Variants in ABCB5 observed in about 807,000 individuals in gnomAD.
ABCB5 encodes ATP-binding cassette sub-family B member 5.
Under a neutral mutation model 144.2 loss-of-function variants are expected in ABCB5, and 155 were observed. That is an observed-to-expected ratio of 1.08 (90% CI 0.94 to 1.23). The LOEUF is 1.23. Ranked by LOEUF, ABCB5 falls within the 50% of genes most tolerant of loss-of-function variation. The pLI, the probability that ABCB5 is intolerant of heterozygous loss-of-function variation, is 0.00. For missense variants in ABCB5, 1,830 were observed against 1,520.8 expected (o/e 1.20, Z -3.38); for synonymous variants, 610 against 528.6 (o/e 1.15, Z -2.11).
At chr7:20,686,661 C>T (rs1254501488) in intron 16 of ABCB5, among the ~76,000 whole-genome samples, 1 of 152,136 alleles carries the variant, frequency 6.6e-6, no homozygotes, top group Non-Finnish European at 1.5e-5. Context: ...ACCTCACATG[C>T]CTTGAAATCC....
At chr7:20,735,355 T>A (rs1782350145) in intron 23 of ABCB5, among the ~76,000 whole-genome samples, 1 of 152,102 alleles carries the variant, frequency 6.6e-6, no homozygotes, top group Non-Finnish European at 1.5e-5. Flanking sequence ...TAACAGTGGG[T>A]CGATACCTTA....
At chr7:20,643,396 T>C (rs779426149) in intron 6 of ABCB5, 21 bp downstream of exon 6, 15 of 1,613,426 alleles carry the variant, frequency 9.3e-6, no homozygotes, top group South Asian at 1.1e-5. Flanking sequence ...GATATTGTAG[T>C]ACGTTAGCTT....
At position 20,647,649 on chromosome 7, in the gene ABCB5, G is replaced by A. The variant is rs1354972102; in HGVS notation, c.1095+1G>A. 1.9e-6 allele frequency: 3 copies of A among 1,560,404 alleles called. No homozygotes were observed. Among genetic ancestry groups the A allele is most frequent in the South Asian group, 1.2e-5 (1 of 84,126 alleles). ...TCATATTTTCCAGGTTATTGATAAGGTAAGACCTCTTATTGCTTTGAAGAA... is the reference window on the plus strand; with the variant it reads ...TCATATTTTCCAGGTTATTGATAAGATAAGACCTCTTATTGCTTTGAAGAA... On this transcript the variant is annotated splice_donor_variant, in intron 10 of 27. Transcript: ENST00000404938. LOFTEE classifies it high-confidence loss of function.
chr7:20,681,034 C>T (rs200598633), intron 14 of ABCB5, among the ~76,000 whole-genome samples: 5 of 23,122 alleles, frequency 2.2e-4, no homozygotes, highest in Admixed American at 1.0e-3. Flanking sequence ...TTCTTTCTTT[C>T]TCTTTCTTTC....
At chr7:20,688,079 G>T (rs1786061268) in intron 16 of ABCB5, among the ~76,000 whole-genome samples, 1 of 152,116 alleles carries the variant, frequency 6.6e-6, no homozygotes, top group Admixed American at 6.6e-5. Flanking sequence ...TGTAATCCTA[G>T]CTACTCGGGA....
chr7:20,736,886 G>C (rs1019407737), intron 23 of ABCB5, among the ~76,000 whole-genome samples: 2 of 152,144 alleles, frequency 1.3e-5, no homozygotes, highest in Admixed American at 1.3e-4. Flanking sequence ...GAGAAAAAGC[G>C]TAAAGAAGAT....
At chr7:20,686,622 C>T (rs77606090) in intron 16 of ABCB5, among the ~76,000 whole-genome samples, 11,629 of 152,154 alleles carry the variant, frequency 0.076, 529 homozygotes, top group African/African-American at 0.13. Flanking sequence ...CAAACCCAGT[C>T]GACCTTTGCT....
intron 14 of ABCB5, among the ~76,000 whole-genome samples, chr7:20,676,948 T>C (rs985360457): frequency 1.3e-5 from 2 of 152,196 alleles, no homozygotes; most frequent in African/African-American, 4.8e-5. Flanking sequence ...AATTATTGAA[T>C]ACTAGATTTG....
In ABCB5 at chr7:20,660,196, A is replaced by G. The variant is rs374820063; in HGVS notation, c.1707+1520A>G. 56 of 984,150 alleles carry G rather than the reference A, an allele frequency of 5.7e-5. No homozygotes were observed. The East Asian group carries it at 4.7e-3, about 83-fold the overall frequency. 61.0% of individuals were successfully genotyped at this position (984,150 alleles called of 1,614,324 possible). On this transcript the variant is annotated intron_variant, in intron 14 of 27. Transcript: ENST00000404938. ...ATGAAACATCTATCAAAAGTGAAAA[A>G]AGAAGAATGCAGAATGTTTGTAAAC... is the stretch of plus-strand genomic sequence containing the variant.
At position 20,745,432 on chromosome 7, in the gene ABCB5, C is replaced by G. The variant is rs763544680; in HGVS notation, c.3423C>G (p.Leu1141=). The change falls in exon 26 of 28, where the codon CTC becomes CTG. Residue 1141 remains leucine, a synonymous_variant. Coordinates refer to ENST00000404938, the MANE Select transcript of ABCB5 (RefSeq NM_001163941.2). ...AANIHSFIEG[L]PEKYNTQVGL... is the part of the protein sequence containing the mutation. ...ATATCCATTCTTTTATTGAAGGTCT[C>G]CCTGAGGTAAGAAAATTTCTGAAAT... 6.2e-7 allele frequency: 1 copy of G among 1,613,846 alleles called. No homozygotes were observed. The highest frequency in any genetic ancestry group is 1.7e-5 in the Admixed American group (1 of 59,974).
At chr7:20,700,597 T>C (rs1786587483) in intron 19 of ABCB5, among the ~76,000 whole-genome samples, 1 of 152,108 alleles carries the variant, frequency 6.6e-6, no homozygotes. Flanking sequence ...ATCAGAAGAG[T>C]CCTGAACTCA....
intron 16 of ABCB5, among the ~76,000 whole-genome samples, chr7:20,687,871 C>T (rs1298872191): frequency 6.6e-6 from 1 of 151,636 alleles, no homozygotes; most frequent in Non-Finnish European, 1.5e-5. Context: ...ACTGACAGAG[C>T]AAGAACCCAT....
chr7:20,702,911 C>T (rs1473050931), intron 19 of ABCB5, among the ~76,000 whole-genome samples: 1 of 149,324 alleles, frequency 6.7e-6, no homozygotes. Flanking sequence ...CTCCTGACCT[C>T]GTGATCCACC....
chr7:20,713,942 C>G (rs967304898), intron 20 of ABCB5, among the ~76,000 whole-genome samples: 1 of 130,082 alleles, frequency 7.7e-6, no homozygotes, highest in Admixed American at 7.4e-5. Flanking sequence ...TCCTGAGATT[C>G]TCAGCTTTGT....
At chr7:20,731,362 A>AG (rs1312447594) in intron 23 of ABCB5, among the ~76,000 whole-genome samples, 4 of 86,128 alleles carry the variant, frequency 4.6e-5, no homozygotes, top group African/African-American at 1.9e-4. Flanking sequence ...CAGGAAAAAA[A>AG]AAAAAAAATA....
At chr7:20,701,894 C>A (rs886471895) in intron 19 of ABCB5, among the ~76,000 whole-genome samples, 6 of 152,200 alleles carry the variant, frequency 3.9e-5, no homozygotes. Context: ...TTAGCCCTTT[C>A]TTTGTAAGCA....
intron 25 of ABCB5, among the ~76,000 whole-genome samples, chr7:20,744,850 G>A (rs1038179505): frequency 6.6e-6 from 1 of 151,986 alleles, no homozygotes; most frequent in African/African-American, 2.4e-5. Flanking sequence ...GGTACTGGAA[G>A]AGTCCCCCTC....
rs75569422 is a variant in ABCB5, at chr7:20,646,512, G to C, written c.981+374G>C. On this transcript the variant is annotated intron_variant, in intron 9 of 27. Transcript: ENST00000404938. Reference sequence around the variant, plus strand: ...GAGTTCTGCATTCACCTTGCTAAATGTCTTCTCTCTGGAAATGGTCTGTAG... The same window carrying C: ...GAGTTCTGCATTCACCTTGCTAAATCTCTTCTCTCTGGAAATGGTCTGTAG... Among the ~76,000 whole-genome samples, 242 of 152,266 alleles carry C rather than the reference G, an allele frequency of 1.6e-3. 6 individuals carry two copies. The East Asian group carries it at 0.036, about 23-fold the overall frequency.
intron 15 of ABCB5, among the ~76,000 whole-genome samples, chr7:20,683,129 G>A (rs1785881478): frequency 6.6e-6 from 1 of 152,040 alleles, no homozygotes; most frequent in African/African-American, 2.4e-5. Context: ...AAAGTTATGA[G>A]CCTCCATCTC....
Sources: allele counts gnomAD v4.1 joint callset (sites outside exome capture counted in the v4.1 genomes callset), GRCh38; gene constraint gnomAD v4.1.1; transcripts MANE v1.5; gene names NCBI Gene and HGNC (gene_info 2026-07-23, HGNC 2026-07-21).